Variants in NCKAP5 observed in about 807,000 individuals in gnomAD.
The protein encoded by NCKAP5 is NCK associated protein 5, also known as nck-associated protein 5.
NCKAP5 carries 92 observed loss-of-function variants against 167.0 expected under a neutral mutation model. That is an observed-to-expected ratio of 0.55 (90% CI 0.47 to 0.66). The LOEUF (loss-of-function observed/expected upper bound fraction) is 0.66. Among genes scored for constraint, NCKAP5 ranks in the 30% least tolerant of loss-of-function variants. NCKAP5 has a pLI of 0.00. For synonymous variants in NCKAP5, 891 were observed against 877.4 expected (o/e 1.02, Z -0.27); for missense variants, 2,378 against 2,315.0 (o/e 1.03, Z -0.56).
chr2:132,811,373 G>C (rs1685852640), intron 11 of NCKAP5, among the ~76,000 whole-genome samples: 1 of 152,118 alleles, frequency 6.6e-6, no homozygotes, highest in South Asian at 2.1e-4. Flanking sequence ...GGGTGGATAG[G>C]GAAAGACCAT....
chr2:133,638,258 G>T, the NCKAP5 span, among the ~76,000 whole-genome samples: 1 of 152,124 alleles, frequency 6.6e-6, no homozygotes, highest in East Asian at 1.9e-4. Context: ...TCAAGCATTT[G>T]CAGCACAAAG....
At chr2:133,456,476 G>C (rs1247597296) in intron 3 of NCKAP5, among the ~76,000 whole-genome samples, 1 of 152,206 alleles carries the variant, frequency 6.6e-6, no homozygotes, top group African/African-American at 2.4e-5. Context: ...GGACAGAAGA[G>C]AAAAGGAGTG....
At chr2:133,104,355 G>A (rs1226781837) in intron 6 of NCKAP5, among the ~76,000 whole-genome samples, 1 of 152,192 alleles carries the variant, frequency 6.6e-6, no homozygotes, top group African/African-American at 2.4e-5. Flanking sequence ...AACCGGAGAT[G>A]TTATTGGTGA....
At chr2:133,366,192 G>C (rs58911300) in intron 3 of NCKAP5, among the ~76,000 whole-genome samples, 5,103 of 152,230 alleles carry the variant, frequency 0.034, 267 homozygotes, top group African/African-American at 0.12. Context: ...ACTATTCTGA[G>C]AGCCTATCTC....
chr2:133,262,530 C>G (rs1179491387), intron 4 of NCKAP5, among the ~76,000 whole-genome samples: 2 of 152,178 alleles, frequency 1.3e-5, no homozygotes, highest in Non-Finnish European at 2.9e-5. Context: ...AACAAGTTCA[C>G]AGAGCCTGTT....
At chr2:132,724,420 G>A (rs1690244744) in intron 19 of NCKAP5, among the ~76,000 whole-genome samples, 1 of 152,148 alleles carries the variant, frequency 6.6e-6, no homozygotes, top group Admixed American at 6.5e-5. Flanking sequence ...GAGAACGTTC[G>A]AGAGCTGAAA....
intron 11 of NCKAP5, among the ~76,000 whole-genome samples, chr2:132,854,420 G>A (rs1263585017): frequency 1.3e-5 from 2 of 152,238 alleles, no homozygotes; most frequent in Non-Finnish European, 2.9e-5. Context: ...GAGATTGAGT[G>A]GGGCAGGGAG....
intron 3 of NCKAP5, among the ~76,000 whole-genome samples, chr2:133,354,957 G>A (rs1483721625): frequency 6.6e-6 from 1 of 152,152 alleles, no homozygotes; most frequent in Non-Finnish European, 1.5e-5. Context: ...TTAATATGGT[G>A]TGGAATAAAA....
intron 8 of NCKAP5, among the ~76,000 whole-genome samples, chr2:132,922,321 G>A (rs1328479830): frequency 6.6e-6 from 1 of 152,214 alleles, no homozygotes; most frequent in East Asian, 1.9e-4. Context: ...GAGTAGGAGA[G>A]AAGAGTCACT....
intron 4 of NCKAP5, among the ~76,000 whole-genome samples, chr2:133,292,693 T>C (rs978958361): frequency 2.6e-5 from 4 of 152,194 alleles, no homozygotes; most frequent in Non-Finnish European, 5.9e-5. Context: ...TTGAAGAATA[T>C]AAACCTGTTT....
At chr2:133,317,785 A>G (rs918253459) in intron 3 of NCKAP5, among the ~76,000 whole-genome samples, 4 of 152,212 alleles carry the variant, frequency 2.6e-5, no homozygotes, top group South Asian at 2.1e-4. Context: ...CCCTATGCCA[A>G]CACCAGGACT....
At chr2:133,429,065 C>A (rs886424142) in intron 3 of NCKAP5, among the ~76,000 whole-genome samples, 2 of 152,038 alleles carry the variant, frequency 1.3e-5, no homozygotes, top group Non-Finnish European at 2.9e-5. Context: ...ATGCCCTCTG[C>A]GGGACGGTTA....
At chr2:132,865,487 A>G (rs1428501246) in intron 10 of NCKAP5, among the ~76,000 whole-genome samples, 1 of 152,202 alleles carries the variant, frequency 6.6e-6, no homozygotes, top group Non-Finnish European at 1.5e-5. Context: ...CCCCAAATAT[A>G]TAGAGTCAGT....
At chr2:133,153,431 C>T (rs1173564215) in intron 5 of NCKAP5, among the ~76,000 whole-genome samples, 1 of 151,916 alleles carries the variant, frequency 6.6e-6, no homozygotes, top group African/African-American at 2.4e-5. Context: ...ATACTTTCTG[C>T]TTAATTTTTC....
intron 4 of NCKAP5, among the ~76,000 whole-genome samples, chr2:133,265,747 G>A (rs117204046): frequency 0.03 from 4,591 of 152,258 alleles, 104 homozygotes; most frequent in South Asian, 0.059. Flanking sequence ...CATTAGGTGG[G>A]GACAGGCGCG....
intron 8 of NCKAP5, among the ~76,000 whole-genome samples, chr2:132,954,403 C>T (rs1443843368): frequency 2.0e-5 from 3 of 152,116 alleles, no homozygotes; most frequent in Non-Finnish European, 4.4e-5. Flanking sequence ...AATAAGAAAT[C>T]TAACTGTCTA....
the NCKAP5 span, among the ~76,000 whole-genome samples, chr2:133,613,204 T>G: frequency 1.8e-3 from 270 of 152,300 alleles, 4 homozygotes; most frequent in African/African-American, 6.1e-3. Flanking sequence ...GAAACACTCC[T>G]ATGGCCATTG....
At chr2:132,758,218 T>C (rs554669370) in intron 16 of NCKAP5, among the ~76,000 whole-genome samples, 1 of 152,276 alleles carries the variant, frequency 6.6e-6, no homozygotes, top group East Asian at 1.9e-4. Flanking sequence ...AAATGAACCC[T>C]ATTTGGTTTG....
intron 3 of NCKAP5, among the ~76,000 whole-genome samples, chr2:133,317,403 G>A (rs1681688603): frequency 6.6e-6 from 1 of 152,088 alleles, no homozygotes; most frequent in Non-Finnish European, 1.5e-5. Context: ...GCAAGTGGTA[G>A]GAGAGATTGA....
Sources: gnomAD v4.1 joint callset for allele counts (sites outside exome capture counted in the v4.1 genomes callset) on GRCh38, gnomAD v4.1.1 for gene constraint, MANE v1.5 for transcripts, NCBI Gene and HGNC (gene_info 2026-07-23, HGNC 2026-07-21) for gene names.